Variants in MAGI2 observed in about 807,000 individuals in gnomAD.
MAGI2 encodes the protein membrane associated guanylate kinase, WW and PDZ domain containing 2, also known as membrane-associated guanylate kinase, WW and PDZ domain-containing protein 2.
A neutral mutation model predicts 133.3 loss-of-function variants in MAGI2; 35 were observed. The observed-to-expected ratio is 0.26, with a 90% CI of 0.20 to 0.35. The LOEUF (loss-of-function observed/expected upper bound fraction) is 0.35. MAGI2 is among the 10% of genes least tolerant of loss of function. MAGI2 has a pLI of 1.00. For synonymous variants in MAGI2, 729 were observed against 710.6 expected (o/e 1.03, Z -0.41); for missense variants, 1,636 against 1,863.4 (o/e 0.88, Z 2.25).
chr7:78,077,520 T>C (rs973162895), intron 21 of MAGI2, among the ~76,000 whole-genome samples: 9 of 149,916 alleles, frequency 6.0e-5, no homozygotes, highest in African/African-American at 2.2e-4. Context: ...TGAATGCTTT[T>C]TGACTCACTG....
intron 1 of MAGI2, among the ~76,000 whole-genome samples, chr7:79,199,678 T>C (rs1350380482): frequency 6.6e-6 from 1 of 152,082 alleles, no homozygotes; most frequent in Non-Finnish European, 1.5e-5. Context: ...TGTATTCTAA[T>C]GTACTTTATC....
intron 1 of MAGI2, among the ~76,000 whole-genome samples, chr7:79,361,367 A>T (rs1450013560): frequency 2.0e-5 from 3 of 152,036 alleles, no homozygotes; most frequent in Admixed American, 6.6e-5. Context: ...CCTTTAAATG[A>T]TATGCAAGGA....
At chr7:78,277,305 AAAT>A (rs1368072306) in intron 9 of MAGI2, among the ~76,000 whole-genome samples, 17 of 152,308 alleles carry the variant, frequency 1.1e-4, no homozygotes, top group African/African-American at 3.6e-4. Flanking sequence ...GAAATATTAA[AAAT>A]AACCAGTGAT....
intron 1 of MAGI2, among the ~76,000 whole-genome samples, chr7:79,336,444 A>G (rs1840445253): frequency 6.6e-6 from 1 of 152,152 alleles, no homozygotes; most frequent in Non-Finnish European, 1.5e-5. Context: ...ATACTCTTAT[A>G]ATTTATACAA....
intron 3 of MAGI2, among the ~76,000 whole-genome samples, chr7:78,524,586 G>A (rs1796792088): frequency 6.6e-6 from 1 of 152,104 alleles, no homozygotes; most frequent in South Asian, 2.1e-4. Context: ...TTCTTTTACA[G>A]TCGGCAAAGT....
intron 9 of MAGI2, among the ~76,000 whole-genome samples, chr7:78,304,977 T>C (rs533372704): frequency 6.6e-6 from 1 of 152,296 alleles, no homozygotes; most frequent in East Asian, 1.9e-4. Context: ...TGCCATTATA[T>C]TATAGATTGA....
chr7:78,476,290 A>C (rs1469731382), intron 6 of MAGI2, among the ~76,000 whole-genome samples: 2 of 151,978 alleles, frequency 1.3e-5, no homozygotes, highest in Admixed American at 6.6e-5. Context: ...GTTGAGAGTA[A>C]ATCAGCCTCA....
intron 1 of MAGI2, among the ~76,000 whole-genome samples, chr7:79,451,891 G>T (rs955264205): frequency 2.0e-5 from 3 of 152,086 alleles, no homozygotes; most frequent in Admixed American, 1.3e-4. Flanking sequence ...AAACAGAAAA[G>T]AAAAAAGCTA....
chr7:79,391,791 C>G (rs867644532), intron 1 of MAGI2, among the ~76,000 whole-genome samples: 1 of 151,846 alleles, frequency 6.6e-6, no homozygotes, highest in African/African-American at 2.4e-5. Context: ...TCACACCATT[C>G]TCCTGCCTCA....
intron 9 of MAGI2, among the ~76,000 whole-genome samples, chr7:78,287,251 T>C (rs1796233993): frequency 6.6e-6 from 1 of 152,076 alleles, no homozygotes; most frequent in Non-Finnish European, 1.5e-5. Flanking sequence ...TGAAGAGGGA[T>C]TGTCAAGGTT....
At chr7:79,144,569 C>G (rs951250547) in intron 1 of MAGI2, among the ~76,000 whole-genome samples, 2 of 152,148 alleles carry the variant, frequency 1.3e-5, no homozygotes, top group African/African-American at 4.8e-5. Context: ...AACCTCTTTT[C>G]TTTATAAATT....
intron 2 of MAGI2, among the ~76,000 whole-genome samples, chr7:78,629,989 T>A (rs1345939951): frequency 2.0e-5 from 3 of 151,876 alleles, no homozygotes; most frequent in Non-Finnish European, 4.4e-5. Flanking sequence ...ATTAAATAAA[T>A]ATTTTATTTG....
intron 20 of MAGI2, among the ~76,000 whole-genome samples, chr7:78,115,483 A>G (rs941949235): frequency 2.6e-5 from 4 of 152,236 alleles, no homozygotes; most frequent in Non-Finnish European, 5.9e-5. Context: ...CAGTATAAAG[A>G]CACAGAACGG....
intron 3 of MAGI2, among the ~76,000 whole-genome samples, chr7:78,540,786 G>A (rs867917947): frequency 2.6e-5 from 4 of 152,054 alleles, no homozygotes; most frequent in Admixed American, 1.3e-4. Context: ...GACTCTCCCC[G>A]CTGCTTCTTC....
At chr7:79,363,328 A>C (rs1842480420) in intron 1 of MAGI2, among the ~76,000 whole-genome samples, 1 of 145,218 alleles carries the variant, frequency 6.9e-6, no homozygotes, top group African/African-American at 2.5e-5. Flanking sequence ...ATGTCTCTGT[A>C]CTTAAATCAT....
chr7:79,198,015 GGA>G (rs1828243584), intron 1 of MAGI2, among the ~76,000 whole-genome samples: 1 of 151,756 alleles, frequency 6.6e-6, no homozygotes, highest in African/African-American at 2.4e-5. Context: ...GGGAGACCAA[GGA>G]GAGAGGATCA....
At chr7:78,585,360 A>G (rs1378746294) in intron 3 of MAGI2, among the ~76,000 whole-genome samples, 1 of 152,164 alleles carries the variant, frequency 6.6e-6, no homozygotes, top group Non-Finnish European at 1.5e-5. Context: ...TCTTCCAAAT[A>G]GGCACTGACC....
intron 1 of MAGI2, among the ~76,000 whole-genome samples, chr7:79,017,275 C>A (rs1808834981): frequency 1.3e-5 from 2 of 152,186 alleles, no homozygotes; most frequent in South Asian, 2.1e-4. Flanking sequence ...AAAGCTGGGG[C>A]CCATACTGGC....
intron 2 of MAGI2, among the ~76,000 whole-genome samples, chr7:78,630,566 G>C (rs758062901): frequency 6.6e-6 from 1 of 151,498 alleles, no homozygotes; most frequent in African/African-American, 2.4e-5. Context: ...ATAGGTGTGC[G>C]CCACCACACC....
Sources: allele counts gnomAD v4.1 joint callset (sites outside exome capture counted in the v4.1 genomes callset), GRCh38; gene constraint gnomAD v4.1.1; transcripts MANE v1.5; gene names NCBI Gene and HGNC (gene_info 2026-07-23, HGNC 2026-07-21).